The following EVC2 variants were observed in gnomAD, a reference collection of about 807,000 sequenced individuals.
EVC2 encodes limbin.
Under a neutral mutation model 149.3 loss-of-function variants are expected in EVC2, and 148 were observed. The observed-to-expected ratio is 0.99, with a 90% confidence interval of 0.87 to 1.14. The LOEUF (loss-of-function observed/expected upper bound fraction) is 1.14. Ranked by LOEUF, EVC2 falls within the 50% of genes most tolerant of loss-of-function variation. The pLI is 0.00. For missense variants in EVC2, 1,854 were observed against 1,627.3 expected (o/e 1.14, Z -2.40); for synonymous variants, 776 against 649.9 (o/e 1.19, Z -2.95).
intron 7 of EVC2, among the ~76,000 whole-genome samples, chr4:5,676,367 T>C (rs1357462830): frequency 3.3e-5 from 5 of 152,198 alleles, no homozygotes; most frequent in Non-Finnish European, 5.9e-5. Context: ...GAATCTCTAT[T>C]TACACAATGG....
Position 5,568,622 on chromosome 4 carries a change from A to G in EVC2, c.3379T>C (p.Tyr1127His), listed in dbSNP as rs199652320. The change falls in exon 20 of 22, where the codon TAC becomes CAC. Residue 1127 changes from tyrosine (Y) to histidine (H), a missense_variant. Tyr to His is a moderately conservative substitution (Grantham distance 83, BLOSUM62 2). Coordinates refer to ENST00000344408, the MANE Select transcript of EVC2 (RefSeq NM_147127.5). The part of the protein sequence containing the change: ...LCSQELRLAS[Y>H]LARMAMVPGA... ...GGCACCATGGCCATCCTCGCCAGGT[A>G]CGATGCCAGTCTCAGCTCCTACAGG... The G allele has an allele frequency of 5.0e-6, 8 of 1,608,654 alleles. No individual in the cohort carries two copies. Among genetic ancestry groups the G allele is most frequent in the Non-Finnish European group, 6.8e-6 (8 of 1,179,822 alleles).
the EVC2 span, among the ~76,000 whole-genome samples, chr4:5,531,577 C>T: frequency 2.6e-3 from 402 of 152,180 alleles, 6 homozygotes; most frequent in African/African-American, 8.1e-3. Context: ...AGATCAGTGG[C>T]GGCATTAGAT....
chr4:5,579,047 T>G (rs4450870), intron 17 of EVC2, among the ~76,000 whole-genome samples: 54,037 of 152,012 alleles, frequency 0.36, 10,476 homozygotes, highest in East Asian at 0.86. Context: ...GGGGCTAAAA[T>G]GCAGGATCTG....
At chr4:5,665,259 G>A (rs960524474) in intron 8 of EVC2, among the ~76,000 whole-genome samples, 1 of 152,114 alleles carries the variant, frequency 6.6e-6, no homozygotes, top group Admixed American at 6.5e-5. Flanking sequence ...GTAACGTTCT[G>A]TGATTGTGCC....
intron 7 of EVC2, among the ~76,000 whole-genome samples, chr4:5,669,676 T>G (rs1295649182): frequency 6.6e-6 from 1 of 152,158 alleles, no homozygotes; most frequent in South Asian, 2.1e-4. Context: ...GACAGGTGAG[T>G]CAGGCTACCT....
intron 16 of EVC2, among the ~76,000 whole-genome samples, chr4:5,612,364 A>AAAAAAG (rs1714887614): frequency 6.6e-6 from 1 of 152,144 alleles, no homozygotes; most frequent in Admixed American, 6.5e-5. Context: ...CATGGTTTTA[A>AAAAAAG]AAAAAGAAAA....
At chr4:5,554,263 T>C (rs113363378) in intron 21 of EVC2, among the ~76,000 whole-genome samples, 11 of 152,194 alleles carry the variant, frequency 7.2e-5, no homozygotes, top group Admixed American at 1.3e-4. Context: ...ATCTATAGCG[T>C]CACAGCTGTG....
In EVC2 at chr4:5,584,626, G is replaced by A. The variant is rs1230223956; in HGVS notation, c.3054C>T (p.Ser1018=). Residue 1018 remains serine (S), a synonymous_variant, in exon 17 of 22, where the codon AGC becomes AGT. Transcript: ENST00000344408. Reference sequence around the variant, plus strand: ...CCTTCCCAGCGCCTGCACTCACCCGGCTGTGCGACTCCAGGATCTGTGTGC... The same window carrying A: ...CCTTCCCAGCGCCTGCACTCACCCGACTGTGCGACTCCAGGATCTGTGTGC... ...SACTQILESH[S]RELQELERKL... 6.2e-7 allele frequency: 1 copy of A among 1,612,696 alleles called. No individual in the cohort carries two copies. The highest frequency in any genetic ancestry group is 8.5e-7 in the Non-Finnish European group (1 of 1,179,464).
chr4:5,633,717 A>C lies in EVC2; in HGVS notation c.1471-1685T>G, dbSNP rs6815617. Among the ~76,000 whole-genome samples the C allele has an allele frequency of 0.094, 14,393 of 152,320 alleles. 2,178 individuals carry two copies. Among genetic ancestry groups the C allele is most frequent in the African/African-American group, 0.32 (13,367 of 41,544 alleles). The stretch of plus-strand genomic sequence containing the variant: ...GGCTGAGTAGAAGCCCGAGGAAGGC[A>C]GAAGGGGCTCCGGTGCACAGGGCAA... On this transcript the variant is annotated intron_variant, in intron 10 of 21. Transcript: ENST00000344408. The surrounding 1 kb of genome is among the most constrained non-coding windows in gnomAD (Gnocchi z 4.4).
At position 5,568,750 on chromosome 4, in the gene EVC2, C is replaced by T. The variant is rs111349819; in HGVS notation, c.3361-110G>A. On this transcript the variant is annotated intron_variant, in intron 19 of 21. Coordinates refer to ENST00000344408, the MANE Select transcript of EVC2 (RefSeq NM_147127.5). ...TTCTGTCCTGGAGTGATAAATATTT[C>T]AGTAGCTTAGTCTGGAAAACATGTT... 6.9e-4 allele frequency: 860 copies of T among 1,243,452 alleles called. 1 individual carries two copies. The African/African-American group carries it at 8.4e-3, about 12-fold the overall frequency. 77.0% of individuals were successfully genotyped at this position (1,243,452 alleles called of 1,614,324 possible).
chr4:5,661,831 C>T (rs1474419511), intron 9 of EVC2, among the ~76,000 whole-genome samples: 2 of 152,208 alleles, frequency 1.3e-5, no homozygotes, highest in Non-Finnish European at 2.9e-5. Context: ...CTAGTATATG[C>T]CCTTGGGCAA....
chr4:5,628,457 A>C, intron 12 of EVC2, 102 bp downstream of exon 12: 1 of 1,445,244 alleles, frequency 6.9e-7, no homozygotes, highest in Non-Finnish European at 9.5e-7. Context: ...TGAACCAAAT[A>C]TATCTCTTCT....
Position 5,632,022 on chromosome 4 carries a change from T to A in EVC2, c.1481A>T (p.Glu494Val). The A allele has an allele frequency of 6.2e-7, 1 of 1,614,064 alleles. No homozygotes were observed. The highest frequency in any genetic ancestry group is 8.5e-7 in the Non-Finnish European group (1 of 1,179,986). ...GAGGGTCCGCAGAAGGTTGCTGCACTCTACAGCAGACTGGAGAGAGGAAAG... is the reference window on the plus strand; with the variant it reads ...GAGGGTCCGCAGAAGGTTGCTGCACACTACAGCAGACTGGAGAGAGGAAAG... Reference protein sequence around the residue: ...LKRAGERSAVECSNLLRTLHG... With the variant: ...LKRAGERSAVVCSNLLRTLHG... Residue 494 changes from glutamate to valine, a missense_variant, in exon 11 of 22, where the codon GAG (glutamate) becomes GTG (valine). Glu to Val is a moderately radical substitution (Grantham distance 121). Coordinates refer to ENST00000344408, the MANE Select transcript of EVC2 (RefSeq NM_147127.5).
At chr4:5,541,418 G>A (rs546140469), downstream of EVC2, among the ~76,000 whole-genome samples, 1 of 152,202 alleles carries the variant, frequency 6.6e-6, no homozygotes, top group Non-Finnish European at 1.5e-5. Flanking sequence ...TTCAAAGAAC[G>A]GGGTCAGGCA....
intron 7 of EVC2, among the ~76,000 whole-genome samples, chr4:5,676,995 G>T (rs1007095503): frequency 6.6e-6 from 1 of 152,144 alleles, no homozygotes; most frequent in Non-Finnish European, 1.5e-5. Context: ...GCCCCCGTGG[G>T]CATTGGGGCA....
At chr4:5,682,709 A>G (rs1317459447) in intron 6 of EVC2, among the ~76,000 whole-genome samples, 1 of 150,788 alleles carries the variant, frequency 6.6e-6, no homozygotes, top group Non-Finnish European at 1.5e-5. Context: ...AAATACAAAA[A>G]TTAGCCAGGT....
chr4:5,642,137 T>C (rs1262621418), intron 9 of EVC2, among the ~76,000 whole-genome samples: 1 of 152,228 alleles, frequency 6.6e-6, no homozygotes, highest in East Asian at 1.9e-4. Flanking sequence ...GGCTGCACAG[T>C]ATTCCATAGT....
intron 6 of EVC2, among the ~76,000 whole-genome samples, chr4:5,682,274 T>G (rs1025259826): frequency 2.6e-5 from 4 of 152,014 alleles, no homozygotes; most frequent in Non-Finnish European, 5.9e-5. Context: ...GTGGATCACC[T>G]GAGGTCAGGA....
intron 19 of EVC2, 94 bp from the exon 20 acceptor site, chr4:5,568,734 G>A (rs1722468691): frequency 8.4e-6 from 11 of 1,315,300 alleles, no homozygotes; most frequent in Admixed American, 2.0e-5. Flanking sequence ...ATTCTGTCCT[G>A]GAGTGATAAA....
Sources: allele counts gnomAD v4.1 joint callset (sites outside exome capture counted in the v4.1 genomes callset), GRCh38; gene constraint gnomAD v4.1.1; non-coding constraint Gnocchi (gnomAD v3.1); transcripts MANE v1.5; gene names NCBI Gene and HGNC (gene_info 2026-07-23, HGNC 2026-07-21).